Variants in EFCAB7 observed in about 807,000 individuals in gnomAD.
EFCAB7 encodes EF-hand calcium-binding domain-containing protein 7.
EFCAB7 carries 66 observed loss-of-function variants against 77.1 expected under a neutral mutation model. That is an observed-to-expected ratio of 0.86 (90% CI 0.70 to 1.05). The LOEUF (loss-of-function observed/expected upper bound fraction) is 1.05. Ranked by LOEUF, EFCAB7 falls within the 50% of genes least tolerant of loss-of-function variation. The pLI, the probability that EFCAB7 is intolerant of heterozygous loss-of-function variation, is 0.00. For missense variants in EFCAB7, 638 were observed against 730.5 expected, an observed-to-expected ratio of 0.87 and a Z score of 1.46; for synonymous variants, 225 against 243.3, an observed-to-expected ratio of 0.92 and a Z score of 0.70.
At chr1:63,575,846 C>T (rs573711339), downstream of EFCAB7, among the ~76,000 whole-genome samples, 11 of 152,164 alleles carry the variant, frequency 7.2e-5, no homozygotes, top group Admixed American at 3.3e-4. Context: ...CTTGGCCTCT[C>T]AAAGTGCTGA....
rs1173058789 is a variant in EFCAB7 at position 63,565,367 on chromosome 1, A to AC, written c.1498-2943_1498-2942insC. 5.5e-4 allele frequency among the ~76,000 whole-genome samples: 84 copies of AC among 151,986 alleles called. 1 individual carries two copies. Among genetic ancestry groups the AC allele is most frequent in the East Asian group, 4.6e-3 (24 of 5,174 alleles). ...GTGCGAGACTCCGTCTCAAAAAAAA[A>AC]AACAACAACAACAAAAAAATTTTAA... On this transcript the variant is annotated intron_variant, in intron 11 of 13. Coordinates refer to ENST00000371088, the MANE Select transcript of EFCAB7 (RefSeq NM_032437.4).
intron 6 of EFCAB7, among the ~76,000 whole-genome samples, chr1:63,544,834 C>T (rs1306064547): frequency 6.6e-6 from 1 of 152,096 alleles, no homozygotes; most frequent in Admixed American, 6.5e-5. Flanking sequence ...ATTCTTCCTT[C>T]TTACTGTGCT....
chr1:63,526,064 G>A (rs894016925), intron 2 of EFCAB7, among the ~76,000 whole-genome samples: 3 of 151,984 alleles, frequency 2.0e-5, no homozygotes, highest in Admixed American at 2.0e-4. Flanking sequence ...AAATTAAAAC[G>A]CTTTTGGCCT....
rs754277598 is a variant in EFCAB7 at position 63,571,102 on chromosome 1, G to C, written c.1789G>C (p.Val597Leu). 2 of 1,610,254 alleles carry C rather than the reference G, an allele frequency of 1.2e-6. No homozygotes were observed. The highest frequency in any genetic ancestry group is 4.5e-5 in the East Asian group (2 of 44,644). The stretch of plus-strand genomic sequence containing the variant: ...CAACAGAGGACTCAACATATTTGCA[G>C]TAGAAGTGGGACCCAAATCTACAAT... ...INNRGLNIFA[V>L]EVGPKSTMVC... Residue 597 changes from valine to leucine, a missense_variant, in exon 13 of 14, where the codon GTA becomes CTA. Coordinates refer to ENST00000371088, the MANE Select transcript of EFCAB7 (RefSeq NM_032437.4).
chr1:63,526,025 AT>A (rs1249421333), intron 2 of EFCAB7, among the ~76,000 whole-genome samples: 8 of 152,106 alleles, frequency 5.3e-5, no homozygotes, highest in Non-Finnish European at 1.0e-4. Flanking sequence ...TTTAATTCTC[AT>A]TTTGGTGCTT....
downstream of EFCAB7, among the ~76,000 whole-genome samples, chr1:63,576,493 C>CAAA (rs111291470): frequency 6.6e-6 from 1 of 150,418 alleles, no homozygotes; most frequent in Non-Finnish European, 1.5e-5. Flanking sequence ...ACAACAACAA[C>CAAA]AAAAAAACAA....
At chr1:63,553,525 A>G (rs539286125) in intron 8 of EFCAB7, among the ~76,000 whole-genome samples, 1 of 152,220 alleles carries the variant, frequency 6.6e-6, no homozygotes, top group African/African-American at 2.4e-5. Flanking sequence ...TTTTTCGTAA[A>G]GACAGGGTTT....
intron 4 of EFCAB7, among the ~76,000 whole-genome samples, chr1:63,533,082 C>T (rs1369664339): frequency 6.6e-6 from 1 of 152,084 alleles, no homozygotes; most frequent in East Asian, 1.9e-4. Flanking sequence ...TGCTCACACA[C>T]ACGGACAGAT....
chr1:63,550,012 A>C (rs187877364), intron 7 of EFCAB7: 1 of 152,512 alleles, frequency 6.6e-6, no homozygotes, highest in African/African-American at 2.4e-5. Context: ...AAGAAATGCC[A>C]ACTGCTTGAA....
intron 8 of EFCAB7, 188 bp downstream of exon 8, chr1:63,552,022 T>A (rs1017449163): frequency 2.1e-5 from 4 of 189,126 alleles, no homozygotes; most frequent in African/African-American, 9.4e-5. Context: ...TAAATAATTA[T>A]AAGGATTTTT....
At chr1:63,544,558 G>A (rs55829504) in intron 6 of EFCAB7, among the ~76,000 whole-genome samples, 1,929 of 151,822 alleles carry the variant, frequency 0.013, 45 homozygotes, top group African/African-American at 0.044. Context: ...GACTACAGGC[G>A]CACGCCACCG....
chr1:63,585,054 T>G, the EFCAB7 span, among the ~76,000 whole-genome samples: 1 of 152,230 alleles, frequency 6.6e-6, no homozygotes, highest in South Asian at 2.1e-4. Flanking sequence ...CTTTCTCGTT[T>G]TCTGGAAAAG....
At chr1:63,574,279 G>A (rs931213506), downstream of EFCAB7, among the ~76,000 whole-genome samples, 2 of 152,176 alleles carry the variant, frequency 1.3e-5, no homozygotes, top group African/African-American at 4.8e-5. Context: ...GAAAGGAAAT[G>A]AGAGGTTCTA....
chr1:63,583,927 G>A, the EFCAB7 span, among the ~76,000 whole-genome samples: 1 of 136,432 alleles, frequency 7.3e-6, no homozygotes, highest in African/African-American at 2.8e-5. Flanking sequence ...AATGAAAGAC[G>A]TGGATATGGC....
rs1646967971 is a variant in EFCAB7 at position 63,551,766 on chromosome 1, A to G, written c.988A>G (p.Ile330Val). The G allele has an allele frequency of 6.3e-7, 1 of 1,589,874 alleles. No homozygotes were observed. The highest frequency in any genetic ancestry group is 8.6e-7 in the Non-Finnish European group (1 of 1,167,874). The change falls in exon 8 of 14, where the codon ATT becomes GTT. Residue 330 changes from isoleucine to valine, a missense_variant. Transcript: ENST00000371088. The part of the protein sequence containing the change: ...PWLSVDTALY[I>V]LKENESQANL... ...GTTATCCGTTGATACTGCCTTGTAT[A>G]TTCTCAAGGAAAATGAGAGTCAAGC...
chr1:63,536,603 G>C, intron 6 of EFCAB7: 1 of 151,904 alleles, frequency 6.6e-6, no homozygotes, highest in East Asian at 1.9e-4. Flanking sequence ...CTGGTCTCGA[G>C]CTCCTGACCT....
chr1:63,545,836 C>A, intron 6 of EFCAB7, 80 bp from the exon 7 acceptor site: 1 of 1,148,902 alleles, frequency 8.7e-7, no homozygotes, highest in Non-Finnish European at 1.3e-6. Context: ...TTTATATCCC[C>A]CTGTGTTTTC....
intron 2 of EFCAB7, among the ~76,000 whole-genome samples, chr1:63,531,257 A>G (rs1318602965): frequency 6.6e-6 from 1 of 151,890 alleles, no homozygotes; most frequent in Non-Finnish European, 1.5e-5. Context: ...TTTTTTTAAG[A>G]TTCCACACAA....
At chr1:63,563,932 A>T (rs1166857692) in intron 11 of EFCAB7, among the ~76,000 whole-genome samples, 2 of 152,286 alleles carry the variant, frequency 1.3e-5, no homozygotes, top group East Asian at 3.9e-4. Flanking sequence ...GAATTTGAGA[A>T]GTGAAACTTA....
Sources: gnomAD v4.1 joint callset for allele counts (sites outside exome capture counted in the v4.1 genomes callset) on GRCh38, gnomAD v4.1.1 for gene constraint, MANE v1.5 for transcripts, NCBI Gene and HGNC (gene_info 2026-07-23, HGNC 2026-07-21) for gene names.